SPAG6: variants seen among roughly 807,000 people sequenced by gnomAD.
SPAG6 encodes the protein sperm-associated antigen 6.
SPAG6 carries 49 observed loss-of-function variants against 58.5 expected under a neutral mutation model. The observed-to-expected ratio is 0.84, with a 90% CI of 0.67 to 1.06. SPAG6 has a LOEUF of 1.06. Among genes scored for constraint, SPAG6 ranks in the 50% least tolerant of loss-of-function variants. The pLI is 0.00. For synonymous variants in SPAG6, 233 were observed against 225.6 expected (o/e 1.03, Z -0.29); for missense variants, 560 against 611.3 (o/e 0.92, Z 0.89).
At chr10:22,393,391 T>C (rs1271592794) in intron 8 of SPAG6, among the ~76,000 whole-genome samples, 1 of 152,160 alleles carries the variant, frequency 6.6e-6, no homozygotes, top group Admixed American at 6.5e-5. Context: ...CCCTTGCAAA[T>C]AGTCCCTTAG....
At chr10:22,390,918 T>C (rs1043306449) in intron 7 of SPAG6, among the ~76,000 whole-genome samples, 6 of 152,224 alleles carry the variant, frequency 3.9e-5, no homozygotes, top group Non-Finnish European at 5.9e-5. Flanking sequence ...GTGATCTTTT[T>C]TTGTGGTACC....
intron 9 of SPAG6, among the ~76,000 whole-genome samples, chr10:22,409,914 A>T (rs538116841): frequency 6.6e-6 from 1 of 152,096 alleles, no homozygotes; most frequent in South Asian, 2.1e-4. Context: ...GTTCTATCCT[A>T]CCGTGGTCTA....
intron 10 of SPAG6, chr10:22,412,550 G>A: frequency 1.8e-6 from 2 of 1,138,650 alleles, no homozygotes; most frequent in Non-Finnish European, 2.5e-6. Context: ...TAATATATAT[G>A]ATACATCAAA....
chr10:22,345,655 G>C lies in SPAG6; in HGVS notation c.25+19G>C. The C allele has an allele frequency of 6.4e-7, 1 of 1,557,302 alleles. No homozygotes were observed. Among genetic ancestry groups the C allele is most frequent in the Non-Finnish European group, 8.7e-7 (1 of 1,152,112 alleles). On this transcript the variant is annotated intron_variant, in intron 1 of 10. Transcript: ENST00000376624. This position sits in a 1 kb window ranked among gnomAD's most constrained non-coding sequence, Gnocchi z 6.3. ...CTGCAAGGTAGGGCCGAGGCGGGCA[G>C]GTGCCCTAACTAGCTGGCGCCGAGG... is the stretch of plus-strand genomic sequence containing the variant.
chr10:22,394,382 A>G (rs1461982633), intron 8 of SPAG6, among the ~76,000 whole-genome samples: 1 of 152,176 alleles, frequency 6.6e-6, no homozygotes, highest in East Asian at 1.9e-4. Context: ...CTAGTTATAA[A>G]ACTATGTTTA....
chr10:22,389,450 A>T (rs1006598582), intron 7 of SPAG6, 138 bp downstream of exon 7: 2 of 788,434 alleles, frequency 2.5e-6, no homozygotes, highest in African/African-American at 3.5e-5. Context: ...GATTGTTTCA[A>T]TGCTTATTAG....
At position 22,345,618 on chromosome 10, in the gene SPAG6, C is replaced by G. The variant is rs1218619228; in HGVS notation, c.7C>G (p.Gln3Glu). The change falls in exon 1 of 11, where the codon CAG becomes GAG. Residue 3 changes from glutamine (Q) to glutamate (E), a missense_variant. Coordinates refer to ENST00000376624, the MANE Select transcript of SPAG6 (RefSeq NM_012443.4). This position sits in a 1 kb window ranked among gnomAD's most constrained non-coding sequence, Gnocchi z 6.3. ...AGACGGCGGCGGGGGCGCCATGAGT[C>G]AGAGGCAGGTGCTGCAAGGTAGGGC... MS[Q>E]RQVLQVFEQY... 2.0e-6 allele frequency: 3 copies of G among 1,535,464 alleles called. No individual in the cohort carries two copies. Among genetic ancestry groups the G allele is most frequent in the African/African-American group, 1.4e-5 (1 of 72,046 alleles).
At chr10:22,395,703 T>C (rs539744166) in intron 8 of SPAG6, among the ~76,000 whole-genome samples, 51 of 152,322 alleles carry the variant, frequency 3.3e-4, no homozygotes, top group Non-Finnish European at 6.0e-4. Context: ...TGATATTGTC[T>C]GCAGCACAAA....
At chr10:22,358,474 G>T (rs1836934534) in intron 2 of SPAG6, among the ~76,000 whole-genome samples, 1 of 152,090 alleles carries the variant, frequency 6.6e-6, no homozygotes, top group South Asian at 2.1e-4. Flanking sequence ...GTAGATTCTG[G>T]ATATTAGCCC....
intron 4 of SPAG6, among the ~76,000 whole-genome samples, chr10:22,377,768 T>C (rs1289463913): frequency 6.6e-6 from 1 of 152,200 alleles, no homozygotes; most frequent in Admixed American, 6.5e-5. Context: ...ATTTCCTCTT[T>C]CTGTTTTCTC....
chr10:22,382,220 A>G (rs1397581651), intron 4 of SPAG6, among the ~76,000 whole-genome samples: 1 of 152,188 alleles, frequency 6.6e-6, no homozygotes, highest in East Asian at 1.9e-4. Context: ...AGTACCACAG[A>G]GGAGGCTGCC....
Position 22,391,841 on chromosome 10 carries a change from C to A in SPAG6, c.1118C>A (p.Ala373Asp). 1 of 1,613,496 alleles carries A rather than the reference C, an allele frequency of 6.2e-7. No individual in the cohort carries two copies. The highest frequency in any genetic ancestry group is 8.5e-7 in the Non-Finnish European group (1 of 1,179,668). ...IGRHTPEHARAVAVTNTLPVL... is the reference protein window; with the variant it reads ...IGRHTPEHARDVAVTNTLPVL... The stretch of plus-strand genomic sequence containing the variant: ...AGACACACTCCTGAACACGCACGGG[C>A]TGTTGCAGTCACAAATACTTTGCCA... Residue 373 changes from alanine (A) to aspartate (D), a missense_variant, in exon 8 of 11, where the codon GCT becomes GAT. Coordinates refer to ENST00000376624, the MANE Select transcript of SPAG6 (RefSeq NM_012443.4).
intron 9 of SPAG6, 113 bp from the exon 10 acceptor site, chr10:22,410,918 T>A (rs1834714873): frequency 9.6e-7 from 1 of 1,036,412 alleles, no homozygotes; most frequent in Admixed American, 2.8e-5. Context: ...ATGTTATAGG[T>A]ATATTGGGTA....
intron 4 of SPAG6, among the ~76,000 whole-genome samples, chr10:22,384,167 C>T (rs1834016980): frequency 6.6e-6 from 1 of 152,150 alleles, no homozygotes; most frequent in South Asian, 2.1e-4. Flanking sequence ...TGATTTCTTC[C>T]ATTATAGTTG....
At chr10:22,408,819 T>G (rs561285656) in intron 9 of SPAG6, among the ~76,000 whole-genome samples, 1 of 152,346 alleles carries the variant, frequency 6.6e-6, no homozygotes, top group Admixed American at 6.5e-5. Flanking sequence ...CCGAGCCATG[T>G]GTGGGATATA....
intron 4 of SPAG6, 129 bp downstream of exon 4, chr10:22,368,807 T>C (rs372445492): frequency 1.6e-6 from 1 of 641,940 alleles, no homozygotes; most frequent in East Asian, 2.9e-5. Context: ...TGATGAGAAG[T>C]ACGTTTTGAA....
chr10:22,355,261 AG>A (rs1384242928), intron 2 of SPAG6, among the ~76,000 whole-genome samples: 1 of 152,198 alleles, frequency 6.6e-6, no homozygotes, highest in Non-Finnish European at 1.5e-5. Flanking sequence ...GATTGTAATG[AG>A]GGTTACATGG....
rs773569832 is a variant in SPAG6, at chr10:22,389,327, C to A, written c.1005+15C>A. 1 of 1,605,680 alleles carries A rather than the reference C, an allele frequency of 6.2e-7. No individual in the cohort carries two copies. Among genetic ancestry groups the A allele is most frequent in the Non-Finnish European group, 8.5e-7 (1 of 1,174,694 alleles). On this transcript the variant is annotated intron_variant, in intron 7 of 10. Coordinates refer to ENST00000376624, the MANE Select transcript of SPAG6 (RefSeq NM_012443.4). ...TCATTTCTAAGGTTTGTTCTTGCTT[C>A]GTTTTCTTCCAGTTGCAGTAAGAAA... is the stretch of plus-strand genomic sequence containing the variant.
intron 4 of SPAG6, among the ~76,000 whole-genome samples, chr10:22,375,642 A>G (rs887577057): frequency 6.7e-6 from 1 of 150,100 alleles, no homozygotes; most frequent in Non-Finnish European, 1.5e-5. Flanking sequence ...TTGGAGTGCA[A>G]TGGTGTGATC....
Sources: gnomAD v4.1 joint callset for allele counts (sites outside exome capture counted in the v4.1 genomes callset) on GRCh38, gnomAD v4.1.1 for gene constraint, Gnocchi (gnomAD v3.1) non-coding constraint, MANE v1.5 for transcripts, NCBI Gene and HGNC (gene_info 2026-07-23, HGNC 2026-07-21) for gene names.